Variants in PCDH15 observed in about 807,000 individuals in gnomAD.
The protein encoded by PCDH15 is protocadherin-15.
A neutral mutation model predicts 178.5 loss-of-function variants in PCDH15; 129 were observed. The ratio of observed to expected loss-of-function variants is 0.72; its 90% CI spans 0.63 to 0.84. The LOEUF (loss-of-function observed/expected upper bound fraction) is 0.84, where lower values mean the gene tolerates loss of function less well. Ranked by LOEUF, PCDH15 falls within the 40% of genes least tolerant of loss-of-function variation. PCDH15 has a pLI of 0.00. For missense variants in PCDH15, 2,230 were observed against 2,099.9 expected (o/e 1.06, Z -1.21); for synonymous variants, 800 against 732.0 (o/e 1.09, Z -1.50).
intron 2 of PCDH15, among the ~76,000 whole-genome samples, chr10:54,999,703 C>T (rs760051663): frequency 1.1e-4 from 16 of 152,144 alleles, no homozygotes; most frequent in East Asian, 1.9e-4. Context: ...TGAGCGATAT[C>T]GGGGAAAATT....
chr10:55,398,891 A>C (rs1486937588), intron 2 of PCDH15, among the ~76,000 whole-genome samples: 1 of 152,136 alleles, frequency 6.6e-6, no homozygotes, highest in Non-Finnish European at 1.5e-5. Flanking sequence ...AAAAATATGC[A>C]CTCTTATGGG....
chr10:54,936,112 A>G (rs1837900425), intron 2 of PCDH15, among the ~76,000 whole-genome samples: 1 of 152,088 alleles, frequency 6.6e-6, no homozygotes, highest in South Asian at 2.1e-4. Context: ...TGAAGATTCA[A>G]GATATGGCAT....
At chr10:54,085,230 T>G (rs1028362323) in intron 16 of PCDH15, among the ~76,000 whole-genome samples, 1 of 152,080 alleles carries the variant, frequency 6.6e-6, no homozygotes, top group Non-Finnish European at 1.5e-5. Flanking sequence ...GAGCATTACA[T>G]GTAATGTCAA....
chr10:54,777,755 T>A (rs947933540), intron 1 of PCDH15, among the ~76,000 whole-genome samples: 1 of 152,114 alleles, frequency 6.6e-6, no homozygotes, highest in Non-Finnish European at 1.5e-5. Context: ...ATTTGAAGAA[T>A]AATTGAAAAG....
intron 2 of PCDH15, among the ~76,000 whole-genome samples, chr10:55,073,030 C>T (rs11527289): frequency 0.027 from 4,163 of 152,152 alleles, 282 homozygotes; most frequent in East Asian, 0.22. Flanking sequence ...CAGAAAAGGC[C>T]TTTGACAAAA....
chr10:54,074,662 A>G (rs1201874541), intron 17 of PCDH15, among the ~76,000 whole-genome samples: 1 of 152,192 alleles, frequency 6.6e-6, no homozygotes, highest in African/African-American at 2.4e-5. Context: ...GAACATGGGA[A>G]TACAAATATC....
chr10:54,898,995 G>T (rs954489968), intron 2 of PCDH15, among the ~76,000 whole-genome samples: 6 of 152,098 alleles, frequency 3.9e-5, no homozygotes, highest in Non-Finnish European at 5.9e-5. Context: ...CCATTTTTCT[G>T]CAAGATAGAG....
chr10:55,104,838 TA>T (rs1842640834), intron 2 of PCDH15, among the ~76,000 whole-genome samples: 1 of 152,234 alleles, frequency 6.6e-6, no homozygotes, highest in African/African-American at 2.4e-5. Context: ...GATACTGCAC[TA>T]AACATGATGA....
At chr10:55,025,759 C>A (rs1292282172) in intron 2 of PCDH15, among the ~76,000 whole-genome samples, 1 of 151,632 alleles carries the variant, frequency 6.6e-6, no homozygotes, top group Non-Finnish European at 1.5e-5. Context: ...TTATTCAATA[C>A]CATGTGATTA....
chr10:54,546,016 G>A (rs2085811536), intron 2 of PCDH15, among the ~76,000 whole-genome samples: 2 of 152,304 alleles, frequency 1.3e-5, no homozygotes, highest in East Asian at 1.9e-4. Context: ...GTTCTTTGGG[G>A]GCAGCTGTGG....
rs1266065757 is a variant in PCDH15, at chr10:53,806,024, A to AAAAC, written c.*551_*554dup. ...CCTTTATACAGGACAATAAAGAAAG[A>AAAAC]AAACAAGCTCATGATTTAAAATAAT... On this transcript the variant is annotated 3_prime_UTR_variant, in exon 38 of 38. Coordinates refer to ENST00000644397, the MANE Select transcript of PCDH15 (RefSeq NM_001384140.1). The AAAAC allele has an allele frequency of 6.7e-6, 1 of 149,236 alleles. No homozygotes were observed. The highest frequency in any genetic ancestry group is 2.5e-5 in the African/African-American group (1 of 39,622). The allele number at this position is 149,236 out of a possible 1,614,324, so 9.2% of individuals were successfully genotyped here.
chr10:55,563,437 G>A (rs1842239605), intron 2 of PCDH15, among the ~76,000 whole-genome samples: 1 of 151,622 alleles, frequency 6.6e-6, no homozygotes, highest in Admixed American at 6.6e-5. Flanking sequence ...TTACAACTCA[G>A]GCCGATCTTC....
Position 55,542,632 on chromosome 10 carries a change from T to C in PCDH15, c.-156+84993A>G, listed in dbSNP as rs552138748. On this transcript the variant is annotated intron_variant, in intron 2 of 5. Coordinates refer to the PCDH15 transcript ENST00000613346. ...ATATGTATGTGTCTATATAGGTACA[T>C]ACAGACATATGTATGTGTCTATATA... is the stretch of plus-strand genomic sequence containing the variant. 3.2e-3 allele frequency among the ~76,000 whole-genome samples: 459 copies of C among 142,574 alleles called. 6 individuals are homozygous for C. Among genetic ancestry groups the C allele is most frequent in the African/African-American group, 0.011 (441 of 38,838 alleles). The allele number at this position is 142,574 out of a possible 152,430, so 93.5% of individuals were successfully genotyped here. A position where few individuals can be genotyped will look rare whatever the true frequency, so the allele number is the denominator to read the frequency against.
At chr10:55,031,433 C>G (rs1210845186) in intron 2 of PCDH15, among the ~76,000 whole-genome samples, 1 of 152,062 alleles carries the variant, frequency 6.6e-6, no homozygotes, top group African/African-American at 2.4e-5. Context: ...TAAAAGGAAG[C>G]AGGGTAGGCT....
intron 2 of PCDH15, among the ~76,000 whole-genome samples, chr10:55,551,614 A>C (rs1842005183): frequency 6.6e-6 from 1 of 151,850 alleles, no homozygotes. Flanking sequence ...GTAGATTACA[A>C]AACAAATTAA....
Position 54,197,505 on chromosome 10 carries a change from G to A in PCDH15, c.1099-1616C>T, listed in dbSNP as rs111933591. 9.7e-3 allele frequency among the ~76,000 whole-genome samples: 1,467 copies of A among 151,716 alleles called. 22 individuals are homozygous for A. Among genetic ancestry groups the A allele is most frequent in the African/African-American group, 0.033 (1,364 of 41,404 alleles). Reference sequence around the variant, plus strand: ...AATTTTTGTTATGTTTTCCCCATTGGGAGAAAAGTTGTATTTTTAAATCAA... The same window carrying A: ...AATTTTTGTTATGTTTTCCCCATTGAGAGAAAAGTTGTATTTTTAAATCAA... On this transcript the variant is annotated intron_variant, in intron 10 of 37. Coordinates refer to ENST00000644397, the MANE Select transcript of PCDH15 (RefSeq NM_001384140.1).
intron 1 of PCDH15, among the ~76,000 whole-genome samples, chr10:54,749,220 A>G (rs528268748): frequency 6.6e-6 from 1 of 152,326 alleles, no homozygotes; most frequent in South Asian, 2.1e-4. Context: ...TATTTAAGCC[A>G]TTAAAAAATG....
chr10:55,498,038 C>T (rs1191702817), intron 2 of PCDH15, among the ~76,000 whole-genome samples: 1 of 151,730 alleles, frequency 6.6e-6, no homozygotes, highest in Non-Finnish European at 1.5e-5. Flanking sequence ...AATGTTTATG[C>T]TTTTGAAGAA....
intron 1 of PCDH15, among the ~76,000 whole-genome samples, chr10:55,217,349 T>G (rs1200817050): frequency 1.3e-5 from 2 of 151,986 alleles, no homozygotes; most frequent in Non-Finnish European, 2.9e-5. Context: ...TTTGCCATAA[T>G]AAAACTCTCA....
Sources: allele counts gnomAD v4.1 joint callset (sites outside exome capture counted in the v4.1 genomes callset), GRCh38; gene constraint gnomAD v4.1.1; transcripts MANE v1.5; gene names NCBI Gene and HGNC (gene_info 2026-07-23, HGNC 2026-07-21).